RUNX1: variants seen among roughly 807,000 people sequenced by gnomAD.
RUNX1 encodes RUNX family transcription factor 1, also known as runt-related transcription factor 1.
In RUNX1, 19 loss-of-function variants were observed where a neutral mutation model predicts 42.8. That is an observed-to-expected ratio of 0.44 (90% CI 0.31 to 0.65). The LOEUF (loss-of-function observed/expected upper bound fraction) is 0.65. RUNX1 is among the 30% of genes least tolerant of loss of function. The pLI, the probability that RUNX1 is intolerant of heterozygous loss-of-function variation, is 0.07. For synonymous variants in RUNX1, 271 were observed against 289.4 expected, an observed-to-expected ratio of 0.94 and a Z score of 0.64; for missense variants, 528 against 672.0, an observed-to-expected ratio of 0.79 and a Z score of 2.37.
intron 7 of RUNX1, among the ~76,000 whole-genome samples, chr21:34,824,590 A>G (rs547987783): frequency 1.3e-5 from 2 of 152,322 alleles, no homozygotes; most frequent in South Asian, 4.1e-4. Context: ...TTGTTCAATA[A>G]TGAGAAGGTC....
chr21:34,807,855 G>A (rs2145940427), intron 7 of RUNX1, among the ~76,000 whole-genome samples: 1 of 152,344 alleles, frequency 6.6e-6, no homozygotes, highest in South Asian at 2.1e-4. Flanking sequence ...ATCTGTCAGA[G>A]GTGTGTGATG....
intron 6 of RUNX1, among the ~76,000 whole-genome samples, chr21:34,845,218 G>A (rs1016173700): frequency 1.5e-4 from 23 of 152,342 alleles, no homozygotes; most frequent in Middle Eastern, 3.4e-3. Flanking sequence ...CATTGGGAGG[G>A]AAAGTTCTGT....
chr21:34,988,414 C>T (rs1342414262), intron 2 of RUNX1, among the ~76,000 whole-genome samples: 2 of 152,180 alleles, frequency 1.3e-5, no homozygotes, highest in Non-Finnish European at 2.9e-5. Flanking sequence ...CAGGGCGGTG[C>T]AGATCCCAGG....
At chr21:34,815,103 C>T (rs117511504) in intron 7 of RUNX1, among the ~76,000 whole-genome samples, 1 of 152,026 alleles carries the variant, frequency 6.6e-6, no homozygotes, top group African/African-American at 2.4e-5. Context: ...CCAGTCTCAA[C>T]AGCACCTCTG....
rs901450021 is a variant in RUNX1 at position 34,791,870 on chromosome 21, C to A, written c.*265G>T. 36 of 257,260 alleles carry A rather than the reference C, an allele frequency of 1.4e-4. No homozygotes were observed. The highest frequency in any genetic ancestry group is 1.5e-5 in the Non-Finnish European group (2 of 132,624). 15.9% of individuals were successfully genotyped at this position (257,260 alleles called of 1,614,324 possible). A position where few individuals can be genotyped will look rare whatever the true frequency, so the allele number is the denominator to read the frequency against. On this transcript the variant is annotated 3_prime_UTR_variant, in exon 9 of 9. Coordinates refer to ENST00000675419, the MANE Select transcript of RUNX1 (RefSeq NM_001754.5). ...CAGCGCGTCCCCTGGGTGCTGGGGC[C>A]GGCGGACACCCTCGAGGTGCGTCGC...
intron 5 of RUNX1, among the ~76,000 whole-genome samples, chr21:34,864,885 G>T (rs1284439065): frequency 6.6e-6 from 1 of 152,130 alleles, no homozygotes; most frequent in East Asian, 1.9e-4. Flanking sequence ...TGAGAGAGAA[G>T]AATTCCATAT....
intron 2 of RUNX1, among the ~76,000 whole-genome samples, chr21:35,046,946 T>C (rs1191123661): frequency 6.6e-6 from 1 of 152,106 alleles, no homozygotes; most frequent in East Asian, 1.9e-4. Flanking sequence ...CTAGCGCAGG[T>C]CAGCTGAGTG....
intron 3 of RUNX1, chr21:34,889,897 C>T (rs2058058840): frequency 2.9e-6 from 3 of 1,038,888 alleles, no homozygotes; most frequent in Non-Finnish European, 3.5e-6. Context: ...TCTCATCCAC[C>T]CCGGGGCTGC....
rs1416500808 is a variant in RUNX1 at position 34,792,686 on chromosome 21, G to T, written c.968-76C>A. On this transcript the variant is annotated intron_variant, in intron 8 of 8. Transcript: ENST00000675419. This position sits in a 1 kb window ranked among gnomAD's most constrained non-coding sequence, Gnocchi z 6.9. ...GCCACAGCTCTTCCCTCTGCCCCAG[G>T]GGGCTACCCAGGATGATACCGCCTA... 12 of 1,385,312 alleles carry T rather than the reference G, an allele frequency of 8.7e-6. No homozygotes were observed. Among genetic ancestry groups the T allele is most frequent in the Non-Finnish European group, 1.2e-5 (12 of 1,023,498 alleles). The allele number at this position is 1,385,312 out of a possible 1,614,324, so 85.8% of individuals were successfully genotyped here. A position where few individuals can be genotyped will look rare whatever the true frequency, so the allele number is the denominator to read the frequency against.
chr21:34,945,232 T>C (rs1309498608), intron 2 of RUNX1, among the ~76,000 whole-genome samples: 1 of 152,208 alleles, frequency 6.6e-6, no homozygotes, highest in Non-Finnish European at 1.5e-5. Flanking sequence ...CATAGTTACA[T>C]AAAATACAGC....
intron 7 of RUNX1, 127 bp downstream of exon 7, chr21:34,834,283 G>C (rs566440297): frequency 3.1e-6 from 3 of 983,348 alleles, no homozygotes; most frequent in Non-Finnish European, 3.2e-6. Context: ...CTGTTGGTTC[G>C]AGGCCTTTCT....
intron 2 of RUNX1, among the ~76,000 whole-genome samples, chr21:35,014,843 T>G (rs1274632057): frequency 6.6e-6 from 1 of 152,264 alleles, no homozygotes; most frequent in African/African-American, 2.4e-5. Flanking sequence ...CAGCACTCAC[T>G]GCTGCACTAT....
chr21:34,793,286 A>G (rs2056476357), intron 8 of RUNX1, among the ~76,000 whole-genome samples: 1 of 152,162 alleles, frequency 6.6e-6, no homozygotes. Context: ...TAATACGGTA[A>G]TATAGAATAT....
At chr21:35,033,683 T>C (rs905941837) in intron 2 of RUNX1, among the ~76,000 whole-genome samples, 1 of 152,176 alleles carries the variant, frequency 6.6e-6, no homozygotes, top group Non-Finnish European at 1.5e-5. Context: ...AAATAACACA[T>C]AGAAAAATGA....
chr21:34,812,147 G>A (rs1201079553), intron 7 of RUNX1, among the ~76,000 whole-genome samples: 3 of 152,316 alleles, frequency 2.0e-5, no homozygotes, highest in East Asian at 1.9e-4. Flanking sequence ...GGAATAATTG[G>A]ATTTCTTTGG....
intron 8 of RUNX1, among the ~76,000 whole-genome samples, chr21:34,795,291 T>C (rs2056510168): frequency 6.6e-6 from 1 of 152,184 alleles, no homozygotes. Flanking sequence ...CTTCCTCATA[T>C]TTCAAGCCTA....
chr21:34,811,271 A>G (rs1480810687), intron 7 of RUNX1, among the ~76,000 whole-genome samples: 1 of 152,172 alleles, frequency 6.6e-6, no homozygotes, highest in Non-Finnish European at 1.5e-5. Flanking sequence ...CCCTTCAATA[A>G]ACGCGAGTGA....
chr21:35,016,684 C>T (rs930854427), intron 2 of RUNX1, among the ~76,000 whole-genome samples: 2 of 152,090 alleles, frequency 1.3e-5, no homozygotes, highest in African/African-American at 4.8e-5. Flanking sequence ...ATTTGATACC[C>T]CATTTCTGGG....
intron 2 of RUNX1, among the ~76,000 whole-genome samples, chr21:34,936,697 C>T (rs904344699): frequency 6.6e-6 from 1 of 152,156 alleles, no homozygotes; most frequent in Non-Finnish European, 1.5e-5. Context: ...AGGATCCTGG[C>T]CGGGAGACCC....
Sources: allele counts gnomAD v4.1 joint callset (sites outside exome capture counted in the v4.1 genomes callset), GRCh38; gene constraint gnomAD v4.1.1; non-coding constraint Gnocchi (gnomAD v3.1); transcripts MANE v1.5; gene names NCBI Gene and HGNC (gene_info 2026-07-23, HGNC 2026-07-21).